The following LRP6 variants were observed in gnomAD, a reference collection of about 807,000 sequenced individuals.
LRP6 encodes LDL receptor related protein 6.
Under a neutral mutation model 184.1 loss-of-function variants are expected in LRP6, and 43 were observed. That is an observed-to-expected ratio of 0.23 (90% confidence interval 0.18 to 0.30). LRP6 has a LOEUF of 0.30. Among genes scored for constraint, LRP6 ranks in the 10% least tolerant of loss-of-function variants. The probability of loss-of-function intolerance (pLI) is 1.00; values close to 1 mark genes in which losing one functional copy is unlikely to be tolerated. For synonymous variants in LRP6, 719 were observed against 684.9 expected (o/e 1.05, Z -0.78); for missense variants, 1,571 against 2,005.3 (o/e 0.78, Z 4.14).
At chr12:12,193,301 C>T (rs1863664989) in intron 3 of LRP6, among the ~76,000 whole-genome samples, 1 of 150,314 alleles carries the variant, frequency 6.7e-6, no homozygotes, top group South Asian at 2.1e-4. Context: ...TATGATTTGA[C>T]CTTAAGAAAC....
intron 16 of LRP6, 83 bp from the exon 17 acceptor site, chr12:12,135,383 C>A: frequency 1.2e-6 from 1 of 839,836 alleles, no homozygotes; most frequent in Non-Finnish European, 2.0e-6. Context: ...AAGGGACAAC[C>A]CTGTCAAAAC....
chr12:12,172,685 G>C lies in LRP6; in HGVS notation c.1545+7125C>G, dbSNP rs145559066. The stretch of plus-strand genomic sequence containing the variant: ...GGAAGACAGATATGACTGAGGGTTG[G>C]GGAGCATATTTTTTCTGATACAACT... On this transcript the variant is annotated intron_variant, in intron 7 of 22. Transcript: ENST00000261349. 4.1e-4 allele frequency among the ~76,000 whole-genome samples: 62 copies of C among 152,238 alleles called. No homozygotes were observed. The East Asian group carries it at 0.011, about 26-fold the overall frequency.
chr12:12,216,055 T>C (rs1263486916), intron 2 of LRP6, among the ~76,000 whole-genome samples: 1 of 152,156 alleles, frequency 6.6e-6, no homozygotes, highest in Non-Finnish European at 1.5e-5. Flanking sequence ...TAGACTAATG[T>C]ATCTGCCTAA....
Position 12,149,499 on chromosome 12 carries a change from T to G in LRP6, c.2995-346A>C, listed in dbSNP as rs1950051993. 1.3e-5 allele frequency among the ~76,000 whole-genome samples: 2 copies of G among 152,192 alleles called. 1 individual carries two copies. The highest frequency in any genetic ancestry group is 4.2e-4 in the South Asian group (2 of 4,810). Reference sequence around the variant, plus strand: ...GCTAAAACCACACCCTAGAAATATCTCTAAAGCAGCGGATTGCAACTAGAG... The same window carrying G: ...GCTAAAACCACACCCTAGAAATATCGCTAAAGCAGCGGATTGCAACTAGAG... On this transcript the variant is annotated intron_variant, in intron 13 of 22. Transcript: ENST00000261349.
chr12:12,122,491 C>A (rs1949618603), intron 22 of LRP6, among the ~76,000 whole-genome samples: 1 of 152,144 alleles, frequency 6.6e-6, no homozygotes, highest in African/African-American at 2.4e-5. Flanking sequence ...AGGATACAAA[C>A]CATTTGATAT....
Position 12,124,731 on chromosome 12 carries a change from T to C in LRP6, c.4450-69A>G, listed in dbSNP as rs1015790730. 3.2e-6 allele frequency: 3 copies of C among 933,120 alleles called. No homozygotes were observed. The African/African-American group carries it at 4.9e-5, about 15-fold the overall frequency. 57.8% of individuals were successfully genotyped at this position (933,120 alleles called of 1,614,324 possible). A position where few individuals can be genotyped will look rare whatever the true frequency, so the allele number is the denominator to read the frequency against. On this transcript the variant is annotated intron_variant, in intron 21 of 22. Transcript: ENST00000261349. Reference sequence around the variant, plus strand: ...AACTATCAGACTTTCTTTCAACTTTTCTTCCTTCATCTCTATTAGTGTTTC... The same window carrying C: ...AACTATCAGACTTTCTTTCAACTTTCCTTCCTTCATCTCTATTAGTGTTTC...
intron 7 of LRP6, among the ~76,000 whole-genome samples, chr12:12,167,457 C>A (rs756602067): frequency 2.7e-4 from 41 of 152,208 alleles, no homozygotes; most frequent in Non-Finnish European, 5.1e-4. Context: ...TCCTGGCCAA[C>A]ATGGTGAAAC....
At chr12:12,130,444 C>A (rs1049542071) in intron 19 of LRP6, among the ~76,000 whole-genome samples, 4 of 152,118 alleles carry the variant, frequency 2.6e-5, no homozygotes, top group African/African-American at 9.7e-5. Flanking sequence ...CCTTGGCCTC[C>A]CAAAGTGCTG....
intron 2 of LRP6, among the ~76,000 whole-genome samples, chr12:12,225,216 G>A (rs577682384): frequency 9.2e-5 from 14 of 152,170 alleles, no homozygotes; most frequent in Admixed American, 1.3e-4. Flanking sequence ...CCACCTGGCC[G>A]GGGTGGACGC....
intron 7 of LRP6, among the ~76,000 whole-genome samples, chr12:12,170,051 C>T (rs1486638995): frequency 1.3e-5 from 2 of 152,080 alleles, no homozygotes; most frequent in Admixed American, 1.3e-4. Flanking sequence ...ACAAAACATG[C>T]CAGGAGAATG....
chr12:12,129,876 C>A (rs1055145816), intron 19 of LRP6, among the ~76,000 whole-genome samples: 1 of 152,102 alleles, frequency 6.6e-6, no homozygotes, highest in South Asian at 2.1e-4. Flanking sequence ...TACCATTTTT[C>A]TAAGATGCCT....
chr12:12,263,266 TA>T (rs771488860), intron 1 of LRP6, among the ~76,000 whole-genome samples: 38 of 44,372 alleles, frequency 8.6e-4, no homozygotes, highest in Admixed American at 1.8e-3. Flanking sequence ...ACTCTGTCTT[TA>T]AAAAAAAAAA....
At position 12,181,128 on chromosome 12, in the gene LRP6, T is replaced by C. The variant is rs770078803; in HGVS notation, c.1288A>G (p.Thr430Ala). The C allele has an allele frequency of 4.0e-5, 65 of 1,614,006 alleles. No homozygotes were observed. Among genetic ancestry groups the C allele is most frequent in the African/African-American group, 9.3e-5 (7 of 74,940 alleles). ...TTCCTCATGGTCCCATTGAGCCTTGTCACTTCTATTCGATCAGTGCCAGTG... is the reference window on the plus strand; with the variant it reads ...TTCCTCATGGTCCCATTGAGCCTTGCCACTTCTATTCGATCAGTGCCAGTG... ...TDTGTDRIEV[T>A]RLNGTMRKIL... Residue 430 changes from threonine (T) to alanine (A), a missense_variant, in exon 6 of 23, where the codon ACA becomes GCA. Thr to Ala is a moderately conservative substitution (Grantham distance 58). This residue lies in a region of LRP6 where 640 missense variants were observed against 851.9 expected (regional missense o/e 0.75). Transcript: ENST00000261349.
intron 3 of LRP6, among the ~76,000 whole-genome samples, chr12:12,189,624 C>T (rs910021322): frequency 3.9e-5 from 6 of 152,210 alleles, no homozygotes; most frequent in Non-Finnish European, 8.8e-5. Flanking sequence ...GCCTCAGCCT[C>T]CCAAGTAGCT....
At chr12:12,227,343 T>C (rs565698271) in intron 2 of LRP6, among the ~76,000 whole-genome samples, 43 of 150,652 alleles carry the variant, frequency 2.9e-4, no homozygotes, top group Non-Finnish European at 4.3e-4. Flanking sequence ...CAAAAATAGA[T>C]CTACAAAAAG....
chr12:12,150,932 A>G lies in LRP6; in HGVS notation c.2898T>C (p.Asn966=). ...GTGGGTCATAGTCAATGGCCCGGAC[A>G]TTCCGAAGGCTGTGGATGGGAAGGA... ...DIILPIHSLR[N]VRAIDYDPLD... Residue 966 remains asparagine (N), a synonymous_variant, in exon 13 of 23, where the codon AAT becomes AAC. Coordinates refer to ENST00000261349, the MANE Select transcript of LRP6 (RefSeq NM_002336.3). The G allele has an allele frequency of 6.2e-7, 1 of 1,614,222 alleles. No individual in the cohort carries two copies. Among genetic ancestry groups the G allele is most frequent in the Non-Finnish European group, 8.5e-7 (1 of 1,180,026 alleles).
rs114313161 is a variant in LRP6, at chr12:12,223,202, C to T, written c.450-19802G>A. 1.7e-3 allele frequency among the ~76,000 whole-genome samples: 251 copies of T among 146,388 alleles called. 2 individuals are homozygous for T. Among genetic ancestry groups the T allele is most frequent in the African/African-American group, 6.1e-3 (245 of 40,204 alleles). ...AAAAAAAAAAAAAAAAAAACCAGGA[C>T]CTAAGACCTGAATTTTCCCAAACCT... On this transcript the variant is annotated intron_variant, in intron 2 of 22. Coordinates refer to ENST00000261349, the MANE Select transcript of LRP6 (RefSeq NM_002336.3).
At chr12:12,201,212 G>A (rs1324733369) in intron 3 of LRP6, among the ~76,000 whole-genome samples, 5 of 151,622 alleles carry the variant, frequency 3.3e-5, no homozygotes, top group South Asian at 4.2e-4. Flanking sequence ...CTATTCTATT[G>A]TCCCTATCCT....
At chr12:12,129,160 T>C (rs1172573499) in intron 19 of LRP6, among the ~76,000 whole-genome samples, 1 of 152,226 alleles carries the variant, frequency 6.6e-6, no homozygotes, top group Non-Finnish European at 1.5e-5. Flanking sequence ...TGTATTCCTC[T>C]TGATGCGATC....
Sources: gnomAD v4.1 joint callset for allele counts (sites outside exome capture counted in the v4.1 genomes callset) on GRCh38, gnomAD v4.1.1 for gene constraint, gnomAD v4.1.1 regional missense constraint, MANE v1.5 for transcripts, NCBI Gene and HGNC (gene_info 2026-07-23, HGNC 2026-07-21) for gene names.